The following KCNIP4 variants were observed in gnomAD, a reference collection of about 807,000 sequenced individuals.
KCNIP4 encodes potassium voltage-gated channel interacting protein 4.
Under a neutral mutation model 34.0 loss-of-function variants are expected in KCNIP4, and 12 were observed. The ratio of observed to expected loss-of-function variants is 0.35; its 90% CI spans 0.23 to 0.57. The LOEUF (loss-of-function observed/expected upper bound fraction) is 0.57, where lower values mean the gene tolerates loss of function less well. Among genes scored for constraint, KCNIP4 ranks in the 20% least tolerant of loss-of-function variants. KCNIP4 has a pLI of 0.83. For missense variants in KCNIP4, 238 were observed against 311.7 expected (o/e 0.76, Z 1.78); for synonymous variants, 124 against 102.2 (o/e 1.21, Z -1.29).
Position 21,258,886 on chromosome 4 carries a change from T to A in KCNIP4, c.62-376177A>T, listed in dbSNP as rs17516012. ...CAGATTTTAAAAAACCCAGTAGACATTGAAACATAGCTAGAATACGGAAAC... is the reference window on the plus strand; with the variant it reads ...CAGATTTTAAAAAACCCAGTAGACAATGAAACATAGCTAGAATACGGAAAC... On this transcript the variant is annotated intron_variant, in intron 1 of 8. Transcript: ENST00000382152. Among the ~76,000 whole-genome samples, 1,316 of 152,246 alleles carry A rather than the reference T, an allele frequency of 8.6e-3. 11 individuals are homozygous for A. The highest frequency in any genetic ancestry group is 0.027 in the Middle Eastern group (8 of 294).
At chr4:21,456,875 C>G (rs1292306012) in intron 1 of KCNIP4, among the ~76,000 whole-genome samples, 1 of 152,042 alleles carries the variant, frequency 6.6e-6, no homozygotes, top group Non-Finnish European at 1.5e-5. Context: ...CCAAAGATCT[C>G]AAGATGTGTC....
intron 1 of KCNIP4, among the ~76,000 whole-genome samples, chr4:20,939,033 A>T (rs2149614887): frequency 6.6e-6 from 1 of 152,324 alleles, no homozygotes; most frequent in Middle Eastern, 3.4e-3. Context: ...TAATTTTCAA[A>T]TTCAGTGACT....
intron 1 of KCNIP4, among the ~76,000 whole-genome samples, chr4:21,002,821 G>T (rs1049400290): frequency 7.2e-5 from 11 of 152,160 alleles, no homozygotes; most frequent in African/African-American, 2.2e-4. Flanking sequence ...AATTGACAGA[G>T]AATTATTCTG....
At chr4:21,181,234 A>C (rs2109322914) in intron 1 of KCNIP4, among the ~76,000 whole-genome samples, 1 of 152,194 alleles carries the variant, frequency 6.6e-6, no homozygotes, top group South Asian at 2.1e-4. Flanking sequence ...ATAGGGTGAC[A>C]AGTTTTTTTT....
intron 1 of KCNIP4, among the ~76,000 whole-genome samples, chr4:21,236,101 C>A (rs1759338717): frequency 6.6e-6 from 1 of 151,738 alleles, no homozygotes; most frequent in South Asian, 2.1e-4. Context: ...TGGAGACCAG[C>A]CTAGGCAACA....
At chr4:21,108,910 G>A (rs1338452009) in intron 1 of KCNIP4, among the ~76,000 whole-genome samples, 1 of 152,188 alleles carries the variant, frequency 6.6e-6, no homozygotes, top group Non-Finnish European at 1.5e-5. Flanking sequence ...CTGCAGAACA[G>A]CGGATTTTCG....
intron 1 of KCNIP4, among the ~76,000 whole-genome samples, chr4:20,883,084 T>G (rs1724900210): frequency 6.6e-6 from 1 of 150,620 alleles, no homozygotes; most frequent in South Asian, 2.1e-4. Context: ...GGATTGAAAT[T>G]TCAATATTCA....
At chr4:21,041,570 T>C (rs1741964103) in intron 1 of KCNIP4, among the ~76,000 whole-genome samples, 1 of 152,196 alleles carries the variant, frequency 6.6e-6, no homozygotes, top group Non-Finnish European at 1.5e-5. Flanking sequence ...AATCCCCACA[T>C]CTGGGAAAGA....
intron 2 of KCNIP4, among the ~76,000 whole-genome samples, chr4:20,878,185 C>T (rs939653336): frequency 1.3e-4 from 20 of 152,122 alleles, no homozygotes; most frequent in Non-Finnish European, 2.9e-5. Context: ...TTCTATGTAC[C>T]TACCTCAGAA....
intron 1 of KCNIP4, among the ~76,000 whole-genome samples, chr4:20,884,408 C>A (rs769471523): frequency 1.4e-4 from 21 of 151,936 alleles, no homozygotes; most frequent in Middle Eastern, 3.4e-3. Context: ...TGACCCCCAC[C>A]CCCTGACAGA....
At chr4:21,345,340 A>G (rs1338442344) in intron 1 of KCNIP4, among the ~76,000 whole-genome samples, 2 of 152,112 alleles carry the variant, frequency 1.3e-5, no homozygotes, top group African/African-American at 4.8e-5. Context: ...CCCAACCAAC[A>G]GTTTGTCTGC....
intron 1 of KCNIP4, among the ~76,000 whole-genome samples, chr4:21,338,026 C>G (rs1353433644): frequency 6.6e-6 from 1 of 152,074 alleles, no homozygotes; most frequent in African/African-American, 2.4e-5. Context: ...CTCCACCATT[C>G]TGGATATGTA....
intron 1 of KCNIP4, among the ~76,000 whole-genome samples, chr4:21,861,390 TTA>T (rs1329981321): frequency 1.3e-5 from 2 of 152,088 alleles, no homozygotes; most frequent in Non-Finnish European, 2.9e-5. Flanking sequence ...AGCTCAAGCT[TTA>T]AAAATATTCC....
intron 1 of KCNIP4, among the ~76,000 whole-genome samples, chr4:21,696,860 A>G (rs1237246260): frequency 2.6e-5 from 4 of 152,136 alleles, no homozygotes; most frequent in Non-Finnish European, 5.9e-5. Context: ...TTTGCAAGGA[A>G]CCCAGAGATC....
At position 21,335,392 on chromosome 4, in the gene KCNIP4, T is replaced by C. The variant is rs549755090; in HGVS notation, c.62-452683A>G. Among the ~76,000 whole-genome samples the C allele has an allele frequency of 1.0e-3, 154 of 152,094 alleles. 1 individual carries two copies. The highest frequency in any genetic ancestry group is 2.0e-3 in the Admixed American group (31 of 15,256). On this transcript the variant is annotated intron_variant, in intron 1 of 8. Transcript: ENST00000382152. The stretch of plus-strand genomic sequence containing the variant: ...GGATTATCTCCCTTGCCCCTGAAAT[T>C]TTCTGGGCATAGCCAGCACATAGCA...
chr4:21,265,287 G>A (rs902274317), intron 1 of KCNIP4, among the ~76,000 whole-genome samples: 6 of 152,172 alleles, frequency 3.9e-5, no homozygotes, highest in African/African-American at 1.4e-4. Flanking sequence ...TAAGAAGTGA[G>A]AGGATGGGGA....
At chr4:21,455,380 T>C (rs1034575648) in intron 1 of KCNIP4, among the ~76,000 whole-genome samples, 1 of 151,960 alleles carries the variant, frequency 6.6e-6, no homozygotes, top group African/African-American at 2.4e-5. Flanking sequence ...TTTCCTTTGC[T>C]TTGCTTTCCT....
chr4:21,589,241 T>TATATGTATCCATAC, intron 1 of KCNIP4, among the ~76,000 whole-genome samples: 1 of 104,188 alleles, frequency 9.6e-6, no homozygotes, highest in South Asian at 2.9e-4. Flanking sequence ...TACAGATACA[T>TATATGTATCCATAC]ATATACATAT....
At chr4:20,798,497 CCACACA>C (rs373960573) in intron 3 of KCNIP4, among the ~76,000 whole-genome samples, 3 of 149,868 alleles carry the variant, frequency 2.0e-5, no homozygotes, top group Non-Finnish European at 4.5e-5. Context: ...CTTCTTTCTA[CCACACA>C]CACACACACA....
Sources: gnomAD v4.1 joint callset for allele counts (sites outside exome capture counted in the v4.1 genomes callset) on GRCh38, gnomAD v4.1.1 for gene constraint, MANE v1.5 for transcripts, NCBI Gene and HGNC (gene_info 2026-07-23, HGNC 2026-07-21) for gene names.